MAPK9: variants seen among roughly 807,000 people sequenced by gnomAD.
MAPK9 encodes Jun kinase.
MAPK9 carries 30 observed loss-of-function variants against 57.1 expected under a neutral mutation model. That is an observed-to-expected ratio of 0.53 (90% confidence interval 0.39 to 0.71). The LOEUF is 0.71. Ranked by LOEUF, MAPK9 falls within the 30% of genes least tolerant of loss-of-function variation. The probability of loss-of-function intolerance (pLI) is 0.00; values close to 1 mark genes in which losing one functional copy is unlikely to be tolerated. For synonymous variants in MAPK9, 155 were observed against 177.0 expected (o/e 0.88, Z 0.99); for missense variants, 362 against 521.0 (o/e 0.69, Z 2.97).
intron 3 of MAPK9, among the ~76,000 whole-genome samples, chr5:180,266,019 G>A (rs111783970): frequency 8.1e-5 from 12 of 149,062 alleles, no homozygotes; most frequent in Non-Finnish European, 1.2e-4. Flanking sequence ...AAAAATGGGT[G>A]ATAAAAAATC....
At chr5:180,257,834 A>C (rs907979235) in intron 5 of MAPK9, 2 of 172,518 alleles carry the variant, frequency 1.2e-5, no homozygotes, top group Non-Finnish European at 2.6e-5. Context: ...CTGAAGAAGA[A>C]AATTTCTGCT....
At chr5:180,250,990 A>C (rs947529040) in intron 5 of MAPK9, among the ~76,000 whole-genome samples, 1 of 152,218 alleles carries the variant, frequency 6.6e-6, no homozygotes, top group African/African-American at 2.4e-5. Context: ...AAAATCAAAG[A>C]GTATGACAAG....
chr5:180,256,409 G>T (rs1759287146), intron 5 of MAPK9, among the ~76,000 whole-genome samples: 1 of 151,932 alleles, frequency 6.6e-6, no homozygotes. Context: ...GGGGCAGGGG[G>T]GCAGGGGGCA....
At position 180,267,894 on chromosome 5, in the gene MAPK9, G is replaced by A. The variant is rs559709233; in HGVS notation, c.252+1386C>T. 2.6e-4 allele frequency among the ~76,000 whole-genome samples: 39 copies of A among 151,992 alleles called. No homozygotes were observed. The South Asian group carries it at 4.0e-3, about 15-fold the overall frequency. ...TTTATTTATTTTGAGACGGAGTCTC[G>A]CTCTGTCGCCCAGGCTGGAGTGCAG... is the stretch of plus-strand genomic sequence containing the variant. On this transcript the variant is annotated intron_variant, in intron 3 of 11. Coordinates refer to ENST00000452135, the MANE Select transcript of MAPK9 (RefSeq NM_002752.5).
At chr5:180,255,583 C>A (rs1759189723) in intron 5 of MAPK9, among the ~76,000 whole-genome samples, 1 of 151,786 alleles carries the variant, frequency 6.6e-6, no homozygotes, top group Non-Finnish European at 1.5e-5. Flanking sequence ...AAACCTCACA[C>A]AAATAGAGTA....
At chr5:180,267,651 G>C (rs1395432838) in intron 3 of MAPK9, among the ~76,000 whole-genome samples, 2 of 151,378 alleles carry the variant, frequency 1.3e-5, no homozygotes, top group Non-Finnish European at 2.9e-5. Flanking sequence ...AAAGAAGGAA[G>C]CTCAGGAGTT....
In MAPK9 at chr5:180,249,058, G is replaced by A. The variant is rs1403220245; in HGVS notation, c.531C>T (p.Cys177=). 3 of 1,614,106 alleles carry A rather than the reference G, an allele frequency of 1.9e-6. No homozygotes were observed. The highest frequency in any genetic ancestry group is 2.5e-6 in the Non-Finnish European group (3 of 1,179,974). Residue 177 remains cysteine, a synonymous_variant, in exon 6 of 12, where the codon TGC becomes TGT. Coordinates refer to ENST00000452135, the MANE Select transcript of MAPK9 (RefSeq NM_002752.5). The stretch of plus-strand genomic sequence containing the variant: ...CGTAAGGGGTCATCATGAAGTTAGT[G>A]CACGCTGTCCGGGCCAGGCCAAAGT... The part of the protein sequence containing the change: ...ILDFGLARTA[C]TNFMMTPYVV...
intron 1 of MAPK9, among the ~76,000 whole-genome samples, 163 bp downstream of exon 1, chr5:180,291,685 C>A (rs1299912013): frequency 1.3e-5 from 2 of 151,334 alleles, no homozygotes; most frequent in Non-Finnish European, 3.0e-5. Context: ...CGGAAGGGGG[C>A]GCCTGCGGCA....
chr5:180,289,589 C>G (rs1763053519), intron 1 of MAPK9, among the ~76,000 whole-genome samples: 1 of 152,130 alleles, frequency 6.6e-6, no homozygotes, highest in Admixed American at 6.5e-5. Context: ...AAACAGACTA[C>G]TTAGACTCCT....
Position 180,241,048 on chromosome 5 carries a change from G to A in MAPK9, c.979C>T (p.Pro327Ser), listed in dbSNP as rs1305726757. ...ATACTCACGGCTTCTGCTTCGGCGG[G>A]GTCATACCAAACAGTGATGTATGGG... is the stretch of plus-strand genomic sequence containing the variant. ...RHPYITVWYD[P>S]AEAEAPPPQI... Residue 327 changes from proline (P) to serine (S), a missense_variant, in exon 9 of 12, where the codon CCC becomes TCC. Physicochemically the swap from Pro to Ser is moderately conservative, Grantham distance 74. Transcript: ENST00000452135. 1 of 1,612,062 alleles carries A rather than the reference G, an allele frequency of 6.2e-7. No individual in the cohort carries two copies. The highest frequency in any genetic ancestry group is 8.5e-7 in the Non-Finnish European group (1 of 1,179,060).
At position 180,241,193 on chromosome 5, in the gene MAPK9, A is replaced by G. The variant is rs10040540; in HGVS notation, c.872-38T>C. 3.6e-5 allele frequency: 57 copies of G among 1,585,042 alleles called. No individual in the cohort carries two copies. The African/African-American group carries it at 6.2e-4, about 17-fold the overall frequency. The stretch of plus-strand genomic sequence containing the variant: ...CAAATATTAAATTAATGCTGTTAAT[A>G]TGAAACAAACAGAATCATACAATAA... On this transcript the variant is annotated intron_variant, in intron 8 of 11. Coordinates refer to ENST00000452135, the MANE Select transcript of MAPK9 (RefSeq NM_002752.5).
At position 180,261,665 on chromosome 5, in the gene MAPK9, T is replaced by G. The variant is rs767621309; in HGVS notation, c.450+19A>C. The G allele has an allele frequency of 6.4e-7, 1 of 1,565,934 alleles. No homozygotes were observed. Among genetic ancestry groups the G allele is most frequent in the Non-Finnish European group, 8.7e-7 (1 of 1,155,896 alleles). On this transcript the variant is annotated intron_variant, in intron 5 of 11. Transcript: ENST00000452135. ...CAAATGATTGTTTTTAAAAATAAAA[T>G]TAATACATCACCACTTACTCTATGA...
chr5:180,245,830 C>G (rs1035070110), intron 7 of MAPK9, among the ~76,000 whole-genome samples: 2 of 152,140 alleles, frequency 1.3e-5, no homozygotes, highest in African/African-American at 4.8e-5. Context: ...TACCCTGGGT[C>G]GCAAATTAAA....
chr5:180,279,566 G>A (rs35062091), intron 2 of MAPK9, among the ~76,000 whole-genome samples: 2 of 152,160 alleles, frequency 1.3e-5, no homozygotes, highest in South Asian at 2.1e-4. Flanking sequence ...TACCCTACTA[G>A]AGCATCGAAA....
At position 180,234,264 on chromosome 5, in the gene MAPK9, T is replaced by A. The variant is rs1332486912; in HGVS notation, c.*2120A>T. On this transcript the variant is annotated 3_prime_UTR_variant, in exon 12 of 12. Coordinates refer to ENST00000452135, the MANE Select transcript of MAPK9 (RefSeq NM_002752.5). The stretch of plus-strand genomic sequence containing the variant: ...CAACATCAGCATTTATCCATAGAGA[T>A]CAGTTTGAAACCATTTGCGTGGCAC... 2.0e-5 allele frequency: 3 copies of A among 152,178 alleles called. No homozygotes were observed. Among genetic ancestry groups the A allele is most frequent in the Admixed American group, 6.5e-5 (1 of 15,278 alleles). The allele number at this position is 152,178 out of a possible 1,614,324, so 9.4% of individuals were successfully genotyped here.
intron 1 of MAPK9, among the ~76,000 whole-genome samples, chr5:180,287,656 C>T (rs1011725878): frequency 3.3e-5 from 5 of 152,174 alleles, no homozygotes; most frequent in South Asian, 2.1e-4. Flanking sequence ...GAAATGACTT[C>T]CCTCCCCTTT....
intron 2 of MAPK9, among the ~76,000 whole-genome samples, chr5:180,276,161 T>C (rs550662596): frequency 6.6e-6 from 1 of 152,378 alleles, no homozygotes; most frequent in African/African-American, 2.4e-5. Flanking sequence ...CACAGAAATT[T>C]TGTTGTGAAC....
At position 180,280,433 on chromosome 5, in the gene MAPK9, T is replaced by G. The variant is rs1444455715; in HGVS notation, c.122+7A>C. The stretch of plus-strand genomic sequence containing the variant: ...CAATCCACGCTATTAAAACAGACCA[T>G]ACTTACCAAACAATCCCTTGGGCCC... On this transcript the variant is annotated splice_region_variant and intron_variant, in intron 2 of 11. Coordinates refer to ENST00000452135, the MANE Select transcript of MAPK9 (RefSeq NM_002752.5). The G allele has an allele frequency of 5.0e-6, 8 of 1,613,730 alleles. No individual in the cohort carries two copies. The highest frequency in any genetic ancestry group is 6.8e-6 in the Non-Finnish European group (8 of 1,179,926).
In MAPK9 at chr5:180,271,043, A is replaced by AGATTTG. The variant is rs1761256632; in HGVS notation, c.123-1640_123-1635dup. 2.6e-5 allele frequency among the ~76,000 whole-genome samples: 4 copies of AGATTTG among 152,254 alleles called. No homozygotes were observed. The South Asian group carries it at 8.3e-4, about 32-fold the overall frequency. Reference sequence around the variant, plus strand: ...TGTATTCTTGAAAATTGATGAGAGTAGATTTGTTCTCATCAGAAACTTTTA... The same window carrying AGATTTG: ...TGTATTCTTGAAAATTGATGAGAGTAGATTTGGATTTGTTCTCATCAGAAACTTTTA... On this transcript the variant is annotated intron_variant, in intron 2 of 11. Coordinates refer to ENST00000452135, the MANE Select transcript of MAPK9 (RefSeq NM_002752.5).
Sources: allele counts gnomAD v4.1 joint callset (sites outside exome capture counted in the v4.1 genomes callset), GRCh38; gene constraint gnomAD v4.1.1; transcripts MANE v1.5; gene names NCBI Gene and HGNC (gene_info 2026-07-23, HGNC 2026-07-21).